DGKI: variants seen among roughly 807,000 people sequenced by gnomAD.
DGKI encodes DAG kinase iota.
DGKI carries 55 observed loss-of-function variants against 147.5 expected under a neutral mutation model. The observed-to-expected ratio is 0.37, with a 90% CI of 0.30 to 0.47. The LOEUF (loss-of-function observed/expected upper bound fraction) is 0.47, where lower values mean the gene tolerates loss of function less well. Ranked by LOEUF, DGKI falls within the 20% of genes least tolerant of loss-of-function variation. The probability of loss-of-function intolerance (pLI) is 1.00; values close to 1 mark genes in which losing one functional copy is unlikely to be tolerated. For synonymous variants in DGKI, 469 were observed against 477.1 expected, an observed-to-expected ratio of 0.98 and a Z score of 0.22; for missense variants, 1,007 against 1,323.8, an observed-to-expected ratio of 0.76 and a Z score of 3.71.
chr7:137,801,319 G>C (rs1797197949), intron 1 of DGKI, among the ~76,000 whole-genome samples: 1 of 152,134 alleles, frequency 6.6e-6, no homozygotes, highest in African/African-American at 2.4e-5. Context: ...AATCTCATTA[G>C]CTACTAGAAA....
intron 5 of DGKI, among the ~76,000 whole-genome samples, chr7:137,652,759 T>G (rs1406311003): frequency 6.6e-6 from 1 of 152,236 alleles, no homozygotes; most frequent in Non-Finnish European, 1.5e-5. Context: ...CCAATCCTTT[T>G]GCATTGTCAC....
chr7:137,669,209 C>T (rs1029028324), intron 3 of DGKI, among the ~76,000 whole-genome samples: 5 of 152,172 alleles, frequency 3.3e-5, no homozygotes, highest in Admixed American at 2.6e-4. Context: ...TCCATTTCCT[C>T]GTGTTTTTAA....
chr7:137,808,478 T>C (rs1397077070), intron 1 of DGKI, among the ~76,000 whole-genome samples: 1 of 152,154 alleles, frequency 6.6e-6, no homozygotes, highest in Non-Finnish European at 1.5e-5. Flanking sequence ...TGCTGCCTCA[T>C]AAAGTGTGCT....
At chr7:137,821,439 A>C (rs1010861310) in intron 1 of DGKI, among the ~76,000 whole-genome samples, 1 of 152,174 alleles carries the variant, frequency 6.6e-6, no homozygotes, top group African/African-American at 2.4e-5. Context: ...AAAAACTCTT[A>C]AAAGTCCTTT....
At chr7:137,717,381 G>C (rs114986943) in intron 1 of DGKI, among the ~76,000 whole-genome samples, 1,755 of 152,222 alleles carry the variant, frequency 0.012, 41 homozygotes, top group African/African-American at 0.041. Context: ...TATTTAAAGT[G>C]AGTAATTGGC....
chr7:137,552,047 T>C lies in DGKI; in HGVS notation c.2147+322A>G, dbSNP rs3778779. On this transcript the variant is annotated intron_variant, in intron 20 of 32. Transcript: ENST00000614521. ...CTAAAACAAAACAAACAAAAACGCA[T>C]TTACCTGAACACGGTTTACCATCCT... Among the ~76,000 whole-genome samples the C allele has an allele frequency of 7.2e-5, 11 of 152,282 alleles. No homozygotes were observed. The East Asian group carries it at 2.1e-3, about 29-fold the overall frequency.
At chr7:137,499,758 C>T (rs1816104234) in intron 21 of DGKI, among the ~76,000 whole-genome samples, 1 of 152,110 alleles carries the variant, frequency 6.6e-6, no homozygotes, top group Admixed American at 6.6e-5. Flanking sequence ...CTTTCCTGGT[C>T]CTCCAACTTT....
At chr7:137,500,664 C>T (rs995870520) in intron 21 of DGKI, among the ~76,000 whole-genome samples, 1 of 151,942 alleles carries the variant, frequency 6.6e-6, no homozygotes, top group Non-Finnish European at 1.5e-5. Context: ...GACTGAATTG[C>T]CCAAAGCTTT....
At chr7:137,819,597 A>T (rs1797837345) in intron 1 of DGKI, among the ~76,000 whole-genome samples, 1 of 152,198 alleles carries the variant, frequency 6.6e-6, no homozygotes, top group South Asian at 2.1e-4. Flanking sequence ...GGCGTGAGCC[A>T]CCGCGCCCAG....
intron 28 of DGKI, among the ~76,000 whole-genome samples, chr7:137,431,248 CTTTT>C (rs5887839): frequency 6.8e-6 from 1 of 146,044 alleles, no homozygotes; most frequent in Non-Finnish European, 1.5e-5. Context: ...TATAAAATAC[CTTTT>C]TTTTTTTTTT....
chr7:137,760,838 T>C (rs1795837159), intron 1 of DGKI, among the ~76,000 whole-genome samples: 1 of 152,196 alleles, frequency 6.6e-6, no homozygotes, highest in South Asian at 2.1e-4. Flanking sequence ...CTTGCATCCT[T>C]ATGTCATATC....
At chr7:137,683,653 C>T (rs1040915345) in intron 2 of DGKI, among the ~76,000 whole-genome samples, 4 of 152,152 alleles carry the variant, frequency 2.6e-5, no homozygotes, top group South Asian at 4.1e-4. Context: ...ACATGCATCT[C>T]GAAATACCAT....
rs1178195228 is a variant in DGKI, at chr7:137,638,516, G to GTA, written c.804+6954_804+6955dup. On this transcript the variant is annotated intron_variant, in intron 6 of 32. Coordinates refer to ENST00000614521, the MANE Select transcript of DGKI (RefSeq NM_001321708.2). ...CACATATATATGTATATATATGTGTGTATATATATACACACACATATATGT... is the reference window on the plus strand; with the variant it reads ...CACATATATATGTATATATATGTGTGTATATATATATACACACACATATATGT... 2.2e-4 allele frequency among the ~76,000 whole-genome samples: 23 copies of GTA among 104,128 alleles called. 1 individual carries two copies. The highest frequency in any genetic ancestry group is 9.3e-4 in the African/African-American group (18 of 19,270). The allele number at this position is 104,128 out of a possible 152,430, so 68.3% of individuals were successfully genotyped here. A position where few individuals can be genotyped will look rare whatever the true frequency, so the allele number is the denominator to read the frequency against.
intron 11 of DGKI, among the ~76,000 whole-genome samples, chr7:137,598,233 T>A (rs747672321): frequency 4.6e-5 from 7 of 152,228 alleles, no homozygotes; most frequent in Non-Finnish European, 1.0e-4. Context: ...TTCCTTCTTT[T>A]TCTTTTCCCA....
intron 28 of DGKI, among the ~76,000 whole-genome samples, chr7:137,416,687 T>G (rs139097646): frequency 1.3e-3 from 191 of 152,248 alleles, no homozygotes; most frequent in African/African-American, 4.5e-3. Context: ...TGGAAACAGT[T>G]AAGTTCCTAC....
At chr7:137,552,244 A>G in intron 20 of DGKI, 125 bp downstream of exon 20, 2 of 893,164 alleles carry the variant, frequency 2.2e-6, no homozygotes, top group Non-Finnish European at 3.4e-6. Context: ...AAACCAAGGA[A>G]CTACTGAGTC....
At chr7:137,752,697 A>G (rs550027764) in intron 1 of DGKI, among the ~76,000 whole-genome samples, 18 of 152,078 alleles carry the variant, frequency 1.2e-4, no homozygotes, top group Non-Finnish European at 2.5e-4. Flanking sequence ...TGCTTGCTCA[A>G]TCGATCACGA....
intron 9 of DGKI, among the ~76,000 whole-genome samples, 192 bp downstream of exon 9, chr7:137,609,343 G>A (rs1245087874): frequency 6.6e-6 from 1 of 152,094 alleles, no homozygotes; most frequent in African/African-American, 2.4e-5. Flanking sequence ...TTCCAGGCAA[G>A]CGCAGAGGTT....
intron 28 of DGKI, among the ~76,000 whole-genome samples, chr7:137,430,683 T>C (rs942739078): frequency 6.6e-6 from 1 of 152,146 alleles, no homozygotes; most frequent in Admixed American, 6.5e-5. Context: ...AATGATTTCC[T>C]AGAGAAGGTA....
Sources: allele counts gnomAD v4.1 joint callset (sites outside exome capture counted in the v4.1 genomes callset), GRCh38; gene constraint gnomAD v4.1.1; transcripts MANE v1.5; gene names NCBI Gene and HGNC (gene_info 2026-07-23, HGNC 2026-07-21).